CPVL: variants seen among roughly 807,000 people sequenced by gnomAD.
CPVL encodes probable serine carboxypeptidase CPVL.
A neutral mutation model predicts 63.7 loss-of-function variants in CPVL; 51 were observed. The observed-to-expected ratio is 0.80, with a 90% CI of 0.64 to 1.01. The LOEUF (loss-of-function observed/expected upper bound fraction) is 1.01. Among genes scored for constraint, CPVL ranks in the 50% least tolerant of loss-of-function variants. The pLI is 0.00. For missense variants in CPVL, 530 were observed against 573.1 expected, an observed-to-expected ratio of 0.92 and a Z score of 0.77; for synonymous variants, 195 against 206.0, an observed-to-expected ratio of 0.95 and a Z score of 0.46.
intron 1 of CPVL, among the ~76,000 whole-genome samples, chr7:29,188,858 A>T (rs994425446): frequency 6.6e-6 from 1 of 152,032 alleles, no homozygotes; most frequent in Non-Finnish European, 1.5e-5. Context: ...TATTTTAAAA[A>T]TTTGTCCCAG....
At position 29,183,203 on chromosome 7, in the gene CPVL, G is replaced by GCCT. The variant is rs1798288183; in HGVS notation, c.-134+1215_-134+1217dup. 2.0e-5 allele frequency among the ~76,000 whole-genome samples: 3 copies of GCCT among 151,300 alleles called. No individual in the cohort carries two copies. The South Asian group carries it at 6.3e-4, about 32-fold the overall frequency. ...AGGTTCAAGCGATTCTCCTGCCTCA[G>GCCT]CCTCCTGAGTAGCTGGGGTTACAGG... On this transcript the variant is annotated intron_variant, in intron 4 of 16. Coordinates refer to the CPVL transcript ENST00000409850.
chr7:29,152,227 A>T (rs1050089002), intron 5 of CPVL, among the ~76,000 whole-genome samples: 7 of 152,236 alleles, frequency 4.6e-5, no homozygotes, highest in African/African-American at 1.7e-4. Flanking sequence ...AAGCAATTGC[A>T]TAAAACCTTA....
intron 1 of CPVL, chr7:29,193,939 A>G (rs1584678543): frequency 6.6e-6 from 1 of 152,416 alleles, no homozygotes; most frequent in South Asian, 2.1e-4. Context: ...ACTTAAGTGT[A>G]GCTGGGTTGG....
chr7:29,035,603 T>C (rs936504061), intron 11 of CPVL, among the ~76,000 whole-genome samples: 6 of 149,672 alleles, frequency 4.0e-5, no homozygotes, highest in African/African-American at 1.5e-4. Flanking sequence ...CGCTGTGAAA[T>C]ACCAGCAGTG....
intron 7 of CPVL, chr7:29,080,336 G>T (rs994102109): frequency 2.6e-5 from 4 of 152,104 alleles, no homozygotes; most frequent in Non-Finnish European, 5.9e-5. Flanking sequence ...GAGGTAGGCA[G>T]ATCACCCAGT....
At chr7:29,028,808 A>G (rs552758121) in intron 12 of CPVL, among the ~76,000 whole-genome samples, 294 of 152,166 alleles carry the variant, frequency 1.9e-3, no homozygotes, top group Middle Eastern at 0.014. Flanking sequence ...TACTAAAAAT[A>G]GAAAAACTTA....
At chr7:29,166,916 CTA>C (rs2128719452) in intron 5 of CPVL, among the ~76,000 whole-genome samples, 1 of 152,062 alleles carries the variant, frequency 6.6e-6, no homozygotes, top group East Asian at 1.9e-4. Flanking sequence ...ACTAGTTCTA[CTA>C]TCTGTGTCAT....
chr7:29,110,758 A>C (rs569342233), intron 3 of CPVL, among the ~76,000 whole-genome samples: 1 of 152,372 alleles, frequency 6.6e-6, no homozygotes, highest in African/African-American at 2.4e-5. Flanking sequence ...TAAAGTTGCT[A>C]ATCAACTGGC....
chr7:29,095,737 T>C (rs1481676626), intron 4 of CPVL, among the ~76,000 whole-genome samples: 1 of 152,096 alleles, frequency 6.6e-6, no homozygotes, highest in Admixed American at 6.5e-5. Context: ...GACTGAACCA[T>C]AAAGTGTTTA....
chr7:29,141,638 C>T (rs896956221), intron 1 of CPVL, among the ~76,000 whole-genome samples: 14 of 151,934 alleles, frequency 9.2e-5, no homozygotes, highest in Admixed American at 2.6e-4. Flanking sequence ...GTACCTTGGC[C>T]GGGCGTTGTG....
At chr7:29,160,986 TTGAG>T (rs757241054) in intron 5 of CPVL, among the ~76,000 whole-genome samples, 4 of 152,212 alleles carry the variant, frequency 2.6e-5, no homozygotes, top group Non-Finnish European at 4.4e-5. Flanking sequence ...TTTCCTCTGA[TTGAG>T]TTTTTCCTGC....
At chr7:29,118,851 T>C (rs1323154776) in intron 2 of CPVL, among the ~76,000 whole-genome samples, 1 of 152,194 alleles carries the variant, frequency 6.6e-6, no homozygotes, top group Non-Finnish European at 1.5e-5. Flanking sequence ...ACAGGCACCA[T>C]CTCTGCCTTC....
chr7:29,010,692 G>C (rs1432375715), intron 12 of CPVL: 2 of 152,158 alleles, frequency 1.3e-5, no homozygotes, highest in African/African-American at 4.8e-5. Context: ...AGGACTCTAT[G>C]AACAGAGCAA....
chr7:29,096,900 G>A (rs1161395874), intron 3 of CPVL, among the ~76,000 whole-genome samples: 2 of 146,626 alleles, frequency 1.4e-5, no homozygotes, highest in East Asian at 2.0e-4. Context: ...CAGGAGACTC[G>A]CTCAAACCCT....
intron 1 of CPVL, among the ~76,000 whole-genome samples, chr7:29,188,948 C>CT (rs11376135): frequency 0.4 from 51,596 of 129,932 alleles, 10,913 homozygotes; most frequent in African/African-American, 0.43. Context: ...TTCCTCATAC[C>CT]TTTTTTTTTT....
chr7:29,055,929 A>G (rs1790688182), intron 11 of CPVL, among the ~76,000 whole-genome samples: 1 of 152,166 alleles, frequency 6.6e-6, no homozygotes. Context: ...AGTCTGCTGG[A>G]TGTAGGAATT....
intron 1 of CPVL, chr7:29,193,688 C>T (rs527346456): frequency 1.3e-5 from 2 of 152,332 alleles, no homozygotes; most frequent in Admixed American, 6.5e-5. Flanking sequence ...AAGGGACACA[C>T]CTTGTGCTCG....
At chr7:29,024,642 C>T (rs148925153) in intron 12 of CPVL, among the ~76,000 whole-genome samples, 188 of 152,300 alleles carry the variant, frequency 1.2e-3, no homozygotes, top group Middle Eastern at 3.4e-3. Context: ...ATCAGACTAA[C>T]AGTTTTCTCA....
intron 7 of CPVL, among the ~76,000 whole-genome samples, chr7:29,081,097 T>G (rs894140484): frequency 1.3e-5 from 2 of 152,192 alleles, no homozygotes; most frequent in African/African-American, 4.8e-5. Flanking sequence ...GTCACCTACC[T>G]GCCTTCCCGT....
Sources: gnomAD v4.1 joint callset for allele counts (sites outside exome capture counted in the v4.1 genomes callset) on GRCh38, gnomAD v4.1.1 for gene constraint, MANE v1.5 for transcripts, NCBI Gene and HGNC (gene_info 2026-07-23, HGNC 2026-07-21) for gene names.